LGR4: variants seen among roughly 807,000 people sequenced by gnomAD.
The protein encoded by LGR4 is leucine rich repeat containing G protein-coupled receptor 4.
Under a neutral mutation model 84.8 loss-of-function variants are expected in LGR4, and 44 were observed. The ratio of observed to expected loss-of-function variants is 0.52; its 90% CI spans 0.41 to 0.67. The LOEUF (loss-of-function observed/expected upper bound fraction) is 0.67, where lower values mean the gene tolerates loss of function less well. Ranked by LOEUF, LGR4 falls within the 30% of genes least tolerant of loss-of-function variation. LGR4 has a pLI of 0.00. For missense variants in LGR4, 1,032 were observed against 1,131.4 expected, an observed-to-expected ratio of 0.91 and a Z score of 1.26; for synonymous variants, 429 against 434.3, an observed-to-expected ratio of 0.99 and a Z score of 0.15.
intron 4 of LGR4, among the ~76,000 whole-genome samples, chr11:27,387,476 G>A (rs1216796151): frequency 6.6e-6 from 1 of 152,174 alleles, no homozygotes; most frequent in Non-Finnish European, 1.5e-5. Flanking sequence ...TAAAGAAAAT[G>A]CAAGAATGAG....
At chr11:27,427,156 G>T (rs1864036667) in intron 1 of LGR4, among the ~76,000 whole-genome samples, 1 of 152,068 alleles carries the variant, frequency 6.6e-6, no homozygotes, top group African/African-American at 2.4e-5. Context: ...TGGAATTCTG[G>T]GTACCTTTAA....
At chr11:27,387,286 A>G (rs893908044) in intron 4 of LGR4, among the ~76,000 whole-genome samples, 1 of 152,160 alleles carries the variant, frequency 6.6e-6, no homozygotes, top group Non-Finnish European at 1.5e-5. Context: ...CCAGTGGCGG[A>G]GGTAACATAC....
intron 1 of LGR4, among the ~76,000 whole-genome samples, chr11:27,440,086 A>G (rs1172083297): frequency 1.3e-5 from 2 of 151,968 alleles, no homozygotes; most frequent in Non-Finnish European, 2.9e-5. Context: ...TTATATTTTT[A>G]GTAGAGACGT....
intron 13 of LGR4, among the ~76,000 whole-genome samples, chr11:27,375,171 T>C (rs1215778775): frequency 6.6e-6 from 1 of 150,824 alleles, no homozygotes; most frequent in Middle Eastern, 3.2e-3. Context: ...TGTGCACCTG[T>C]AGTCCCTCAG....
At chr11:27,423,300 C>A (rs916356797) in intron 1 of LGR4, among the ~76,000 whole-genome samples, 1 of 152,162 alleles carries the variant, frequency 6.6e-6, no homozygotes, top group Non-Finnish European at 1.5e-5. Context: ...AATCCATATA[C>A]CCTGAAGACC....
At chr11:27,442,259 T>C (rs548192046) in intron 1 of LGR4, among the ~76,000 whole-genome samples, 6 of 152,258 alleles carry the variant, frequency 3.9e-5, no homozygotes, top group Non-Finnish European at 7.4e-5. Context: ...CCAGCTCCAA[T>C]ACCACATTTT....
chr11:27,446,951 C>T (rs906385848), intron 1 of LGR4, among the ~76,000 whole-genome samples: 4 of 151,664 alleles, frequency 2.6e-5, no homozygotes, highest in Admixed American at 6.6e-5. Flanking sequence ...AACCAAACAC[C>T]GCATGTTCTC....
intron 1 of LGR4, among the ~76,000 whole-genome samples, chr11:27,428,737 C>T (rs181480925): frequency 3.7e-4 from 57 of 152,184 alleles, no homozygotes; most frequent in African/African-American, 1.4e-3. Context: ...GTGAACTTTT[C>T]TTTCTTTCTT....
At chr11:27,437,739 A>C (rs1253536860) in intron 1 of LGR4, among the ~76,000 whole-genome samples, 1 of 150,578 alleles carries the variant, frequency 6.6e-6, no homozygotes, top group East Asian at 2.0e-4. Flanking sequence ...CAATGGCTCA[A>C]GCTTATAATT....
Position 27,436,342 on chromosome 11 carries a change from A to AGT in LGR4, c.186-23483_186-23482insAC, listed in dbSNP as rs1864207458. ...AAAGAAAGAAATAAAAGACAGAGAGAGAGAGAGAAAGAAAGAAAGAAAGAA... is the reference window on the plus strand; with the variant it reads ...AAAGAAAGAAATAAAAGACAGAGAGAGTGAGAGAGAAAGAAAGAAAGAAAGAA... On this transcript the variant is annotated intron_variant, in intron 1 of 17. Transcript: ENST00000379214. Among the ~76,000 whole-genome samples, 6 of 124,444 alleles carry AGT rather than the reference A, an allele frequency of 4.8e-5. No individual in the cohort carries two copies. The South Asian group carries it at 1.8e-3, about 37-fold the overall frequency. 81.6% of individuals were successfully genotyped at this position (124,444 alleles called of 152,430 possible).
chr11:27,381,776 G>A (rs534168367), intron 7 of LGR4, among the ~76,000 whole-genome samples: 19 of 152,064 alleles, frequency 1.2e-4, no homozygotes, highest in African/African-American at 4.6e-4. Context: ...TTCAAGTCTG[G>A]TCAAACTCCT....
chr11:27,404,133 ATATT>A (rs1449234966), intron 2 of LGR4, among the ~76,000 whole-genome samples: 1 of 152,206 alleles, frequency 6.6e-6, no homozygotes, highest in Admixed American at 6.5e-5. Flanking sequence ...AGTCAGTACT[ATATT>A]TAGCCAAATA....
chr11:27,395,643 T>C (rs1181052489), intron 2 of LGR4, among the ~76,000 whole-genome samples: 2 of 152,210 alleles, frequency 1.3e-5, no homozygotes, highest in East Asian at 3.9e-4. Flanking sequence ...ACTACTAGTA[T>C]GTGGTGGACA....
chr11:27,435,879 C>T (rs559656354), intron 1 of LGR4, among the ~76,000 whole-genome samples: 5 of 151,506 alleles, frequency 3.3e-5, no homozygotes, highest in Non-Finnish European at 7.4e-5. Context: ...TAGGTTCTAT[C>T]GCTATTCTCA....
intron 2 of LGR4, among the ~76,000 whole-genome samples, chr11:27,398,452 T>G (rs1293181877): frequency 6.6e-6 from 1 of 152,180 alleles, no homozygotes; most frequent in Non-Finnish European, 1.5e-5. Flanking sequence ...TTACAGAAAT[T>G]TCATTGTAGC....
intron 1 of LGR4, among the ~76,000 whole-genome samples, chr11:27,426,773 T>C (rs1436062704): frequency 1.3e-5 from 2 of 152,066 alleles, no homozygotes; most frequent in Non-Finnish European, 2.9e-5. Context: ...CCCAGAGGGG[T>C]TAAATAATTC....
At position 27,367,041 on chromosome 11, in the gene LGR4, C is replaced by T. The variant is rs1039029939; in HGVS notation, c.*826G>A. The T allele has an allele frequency of 7.9e-5, 12 of 152,170 alleles. No individual in the cohort carries two copies. Among genetic ancestry groups the T allele is most frequent in the African/African-American group, 2.9e-4 (12 of 41,452 alleles). 9.4% of individuals were successfully genotyped at this position (152,170 alleles called of 1,614,324 possible). A position where few individuals can be genotyped will look rare whatever the true frequency, so the allele number is the denominator to read the frequency against. ...GAAGTATTCATTAATGAGAACATTA[C>T]ATGAAGCCACCAAATCCCTCAGATA... is the stretch of plus-strand genomic sequence containing the variant. On this transcript the variant is annotated 3_prime_UTR_variant, in exon 18 of 18. Transcript: ENST00000379214.
chr11:27,437,769 A>G (rs970821651), intron 1 of LGR4, among the ~76,000 whole-genome samples: 1 of 114,074 alleles, frequency 8.8e-6, no homozygotes, highest in Non-Finnish European at 2.1e-5. Context: ...TGGGAGGTAC[A>G]GGCAGGAGGA....
rs931243702 is a variant in LGR4, at chr11:27,423,427, C to T, written c.186-10567G>A. Among the ~76,000 whole-genome samples the T allele has an allele frequency of 4.6e-5, 7 of 152,322 alleles. No homozygotes were observed. The South Asian group carries it at 1.4e-3, about 32-fold the overall frequency. ...TCAGGCGATGAGGCGTGCAGACTCC[C>T]CTCCCAAACACATACCCCACACACA... On this transcript the variant is annotated intron_variant, in intron 1 of 17. Coordinates refer to ENST00000379214, the MANE Select transcript of LGR4 (RefSeq NM_018490.5).
Sources: gnomAD v4.1 joint callset for allele counts (sites outside exome capture counted in the v4.1 genomes callset) on GRCh38, gnomAD v4.1.1 for gene constraint, MANE v1.5 for transcripts, NCBI Gene and HGNC (gene_info 2026-07-23, HGNC 2026-07-21) for gene names.